The following CCDC141 variants were observed in gnomAD, a reference collection of about 807,000 sequenced individuals.
CCDC141 encodes coiled-coil domain containing 141.
CCDC141 carries 168 observed loss-of-function variants against 181.0 expected under a neutral mutation model. That is an observed-to-expected ratio of 0.93 (90% CI 0.82 to 1.05). The LOEUF (loss-of-function observed/expected upper bound fraction) is 1.05, where lower values mean the gene tolerates loss of function less well. Among genes scored for constraint, CCDC141 ranks in the 50% least tolerant of loss-of-function variants. The pLI is 0.00. For synonymous variants in CCDC141, 666 were observed against 642.3 expected, an observed-to-expected ratio of 1.04 and a Z score of -0.56; for missense variants, 1,902 against 1,788.5, an observed-to-expected ratio of 1.06 and a Z score of -1.14.
chr2:179,007,870 A>C (rs1559043533), intron 2 of CCDC141, among the ~76,000 whole-genome samples: 1 of 152,204 alleles, frequency 6.6e-6, no homozygotes, highest in Non-Finnish European at 1.5e-5. Flanking sequence ...TGAATTAACT[A>C]CCAATATTAT....
intron 17 of CCDC141, among the ~76,000 whole-genome samples, chr2:178,864,479 G>A (rs1685760267): frequency 1.3e-5 from 2 of 152,146 alleles, no homozygotes. Context: ...AAGAGTCGAC[G>A]CCTCTCTAGC....
chr2:178,849,512 A>C (rs993666459), intron 21 of CCDC141, among the ~76,000 whole-genome samples: 1 of 152,204 alleles, frequency 6.6e-6, no homozygotes, highest in Non-Finnish European at 1.5e-5. Context: ...AAACATATGT[A>C]TTTCACTTTA....
At chr2:178,842,081 ATG>A (rs1257080953) in intron 22 of CCDC141, among the ~76,000 whole-genome samples, 1 of 152,098 alleles carries the variant, frequency 6.6e-6, no homozygotes, top group Non-Finnish European at 1.5e-5. Flanking sequence ...CAAAAAAAAA[ATG>A]TGTGTGTGTT....
chr2:178,959,394 G>A (rs1052100205), intron 5 of CCDC141, among the ~76,000 whole-genome samples: 3 of 152,198 alleles, frequency 2.0e-5, no homozygotes, highest in Non-Finnish European at 4.4e-5. Context: ...CTGGGAACAC[G>A]GTGGCTGGTC....
At chr2:178,894,866 T>C (rs546333480) in intron 8 of CCDC141, among the ~76,000 whole-genome samples, 1 of 152,318 alleles carries the variant, frequency 6.6e-6, no homozygotes, top group Admixed American at 6.5e-5. Context: ...GCTGAAATTT[T>C]CTCATAATTT....
chr2:178,865,825 T>C lies in CCDC141; in HGVS notation c.2666A>G (p.Tyr889Cys), dbSNP rs2154368579. 5 of 1,607,194 alleles carry C rather than the reference T, an allele frequency of 3.1e-6. No homozygotes were observed. Among genetic ancestry groups the C allele is most frequent in the South Asian group, 2.2e-5 (2 of 89,864 alleles). ...SMKWRAKAEE[Y>C]GRTLSRSVEY... ...CACACTACGGGACAGGGTCCGTCCA[T>C]ACTCCTCAGCTTTGGCACGCCACTT... Residue 889 changes from tyrosine (Y) to cysteine (C), a missense_variant, in exon 17 of 24, where the codon TAT becomes TGT. Transcript: ENST00000443758.
Position 178,832,473 on chromosome 2 carries a change from A to AAAAAAAAAG in CCDC141, c.*1699_*1700insCTTTTTTTT, listed in dbSNP as rs1684289677. ...AGAGCAAGACTCTTTCTCAAAAAAAAAAAAAAAAAACAAAAAAAACAAAAA... is the reference window on the plus strand; with the variant it reads ...AGAGCAAGACTCTTTCTCAAAAAAAAAAAAAAAAGAAAAAAAAAACAAAAAAAACAAAAA... On this transcript the variant is annotated 3_prime_UTR_variant, in exon 24 of 24. Coordinates refer to ENST00000443758, the MANE Select transcript of CCDC141 (RefSeq NM_173648.4). 1 of 148,274 alleles carries AAAAAAAAAG rather than the reference A, an allele frequency of 6.7e-6. No individual in the cohort carries two copies. The highest frequency in any genetic ancestry group is 2.5e-5 in the African/African-American group (1 of 39,704). 9.2% of individuals were successfully genotyped at this position (148,274 alleles called of 1,614,324 possible). A position where few individuals can be genotyped will look rare whatever the true frequency, so the allele number is the denominator to read the frequency against.
the CCDC141 span, among the ~76,000 whole-genome samples, chr2:178,817,903 A>G: frequency 6.8e-6 from 1 of 147,170 alleles, no homozygotes; most frequent in Non-Finnish European, 1.5e-5. Context: ...CCCAGATTCA[A>G]GTGATTCTCC....
intron 2 of CCDC141, among the ~76,000 whole-genome samples, chr2:179,027,079 G>C (rs1381254694): frequency 6.6e-6 from 1 of 152,166 alleles, no homozygotes; most frequent in East Asian, 1.9e-4. Context: ...GTGGACTTTT[G>C]AGTTAATACT....
chr2:178,987,365 C>G (rs1179311341), intron 2 of CCDC141, among the ~76,000 whole-genome samples: 1 of 151,922 alleles, frequency 6.6e-6, no homozygotes, highest in Non-Finnish European at 1.5e-5. Context: ...CATAAAAACC[C>G]TAGAAGAAAA....
chr2:178,942,149 C>A (rs1183231866), intron 6 of CCDC141, among the ~76,000 whole-genome samples: 1 of 152,008 alleles, frequency 6.6e-6, no homozygotes, highest in Non-Finnish European at 1.5e-5. Flanking sequence ...GTTCAGGACC[C>A]TAAAGGAAGT....
chr2:178,844,651 T>C lies in CCDC141; in HGVS notation c.3474+975A>G, dbSNP rs117154060. On this transcript the variant is annotated intron_variant, in intron 22 of 23. Coordinates refer to ENST00000443758, the MANE Select transcript of CCDC141 (RefSeq NM_173648.4). The stretch of plus-strand genomic sequence containing the variant: ...TGTATAACTGCACCAGGCCTTGACA[T>C]AGATTAACCTGTGGAAAAGGACCTA... Among the ~76,000 whole-genome samples, 25 of 152,264 alleles carry C rather than the reference T, an allele frequency of 1.6e-4. No individual in the cohort carries two copies. The East Asian group carries it at 4.4e-3, about 27-fold the overall frequency.
rs1440520827 is a variant in CCDC141, at chr2:178,830,324, A to T, written c.*3849T>A. 6.6e-6 allele frequency: 1 copy of T among 152,192 alleles called. No homozygotes were observed. The highest frequency in any genetic ancestry group is 1.5e-5 in the Non-Finnish European group (1 of 68,038). 9.4% of individuals were successfully genotyped at this position (152,192 alleles called of 1,614,324 possible). A position where few individuals can be genotyped will look rare whatever the true frequency, so the allele number is the denominator to read the frequency against. On this transcript the variant is annotated 3_prime_UTR_variant, in exon 24 of 24. Transcript: ENST00000443758. Reference sequence around the variant, plus strand: ...TATTTTTAAATTCAAATTTTCAATCAGGGTCTAGCCCAGAGGGTCTGGAGG... The same window carrying T: ...TATTTTTAAATTCAAATTTTCAATCTGGGTCTAGCCCAGAGGGTCTGGAGG...
Position 179,032,831 on chromosome 2 carries a change from G to A in CCDC141, c.225+14453C>T, listed in dbSNP as rs568887215. ...AAATATATGGTAGCAAGGAGATGGA[G>A]GACACAGAAAATTTGGAGAACAGGG... On this transcript the variant is annotated intron_variant, in intron 2 of 23. Transcript: ENST00000443758. Among the ~76,000 whole-genome samples, 142 of 152,024 alleles carry A rather than the reference G, an allele frequency of 9.3e-4. 1 individual carries two copies. The highest frequency in any genetic ancestry group is 3.4e-3 in the African/African-American group (139 of 41,474).
At chr2:179,012,166 A>G (rs1165975281) in intron 2 of CCDC141, among the ~76,000 whole-genome samples, 2 of 152,154 alleles carry the variant, frequency 1.3e-5, no homozygotes. Flanking sequence ...CAAAATACAA[A>G]ACATAAATGA....
intron 11 of CCDC141, 39 bp from the exon 12 acceptor site, chr2:178,878,182 AT>A (rs534699556): frequency 8.5e-6 from 12 of 1,409,842 alleles, no homozygotes; most frequent in South Asian, 8.3e-5. Context: ...ACTTAAACAC[AT>A]TTTTTTAAAG....
intron 4 of CCDC141, among the ~76,000 whole-genome samples, chr2:178,962,530 C>G (rs1020663237): frequency 3.9e-5 from 6 of 152,152 alleles, no homozygotes; most frequent in Admixed American, 2.0e-4. Context: ...ATCCATCTAT[C>G]AATGCACCAG....
intron 2 of CCDC141, among the ~76,000 whole-genome samples, chr2:179,015,071 T>TATATATATATA (rs2042392350): frequency 4.2e-5 from 1 of 23,710 alleles, no homozygotes; most frequent in South Asian, 1.1e-3. Flanking sequence ...GACAGAGATA[T>TATATATATATA]ATATATATAT....
chr2:178,848,975 C>T (rs935990086), intron 21 of CCDC141, among the ~76,000 whole-genome samples: 10 of 151,904 alleles, frequency 6.6e-5, no homozygotes, highest in African/African-American at 2.4e-4. Context: ...AAAGAAAAAG[C>T]TATGCACGAA....
Sources: allele counts gnomAD v4.1 joint callset (sites outside exome capture counted in the v4.1 genomes callset), GRCh38; gene constraint gnomAD v4.1.1; transcripts MANE v1.5; gene names NCBI Gene and HGNC (gene_info 2026-07-23, HGNC 2026-07-21).